The following BICC1 variants were observed in gnomAD, a reference collection of about 807,000 sequenced individuals.
The protein encoded by BICC1 is protein bicaudal C homolog 1.
Under a neutral mutation model 111.0 loss-of-function variants are expected in BICC1, and 43 were observed. The observed-to-expected ratio is 0.39, with a 90% CI of 0.30 to 0.50. The LOEUF (loss-of-function observed/expected upper bound fraction) is 0.50. Among genes scored for constraint, BICC1 ranks in the 20% least tolerant of loss-of-function variants. BICC1 has a pLI of 0.88. For missense variants in BICC1, 1,091 were observed against 1,203.2 expected (o/e 0.91, Z 1.38); for synonymous variants, 467 against 434.4 (o/e 1.07, Z -0.93).
chr10:58,784,609 G>C (rs1200448577), intron 3 of BICC1, among the ~76,000 whole-genome samples: 1 of 152,116 alleles, frequency 6.6e-6, no homozygotes, highest in Non-Finnish European at 1.5e-5. Flanking sequence ...CTGTGCTGTG[G>C]ATTAAGTGAA....
At chr10:58,521,576 A>G (rs1842387611) in intron 1 of BICC1, among the ~76,000 whole-genome samples, 1 of 152,044 alleles carries the variant, frequency 6.6e-6, no homozygotes, top group Admixed American at 6.6e-5. Flanking sequence ...CTGCAGGGTA[A>G]TCTGCTCCTT....
intron 1 of BICC1, 34 bp from the exon 2 acceptor site, chr10:58,620,821 A>G: frequency 1.2e-6 from 2 of 1,601,086 alleles, no homozygotes; most frequent in Non-Finnish European, 1.7e-6. Flanking sequence ...ATACATTGAA[A>G]AAGTATTTTA....
chr10:58,577,444 A>G (rs747669099), intron 1 of BICC1, among the ~76,000 whole-genome samples: 1 of 152,228 alleles, frequency 6.6e-6, no homozygotes, highest in Admixed American at 6.5e-5. Context: ...CTGGTACATT[A>G]GCCCCTGTAG....
chr10:58,582,549 T>C (rs1257323386), intron 1 of BICC1, among the ~76,000 whole-genome samples: 2 of 152,226 alleles, frequency 1.3e-5, no homozygotes, highest in Non-Finnish European at 2.9e-5. Flanking sequence ...CCACTTGTAT[T>C]TCCTATTGTT....
rs566985233 is a variant in BICC1, at chr10:58,517,439, T to TTAAAATGA, written c.190+4108_190+4115dup. Reference sequence around the variant, plus strand: ...TAATTCAGCAAACTTTAGTGGATTTTTAAAATGATTTGATGAACAGATAAT... The same window carrying TTAAAATGA: ...TAATTCAGCAAACTTTAGTGGATTTTTAAAATGATAAAATGATTTGATGAACAGATAAT... On this transcript the variant is annotated intron_variant, in intron 1 of 20. Coordinates refer to ENST00000373886, the MANE Select transcript of BICC1 (RefSeq NM_001080512.3). Among the ~76,000 whole-genome samples the TTAAAATGA allele has an allele frequency of 9.0e-3, 1,377 of 152,316 alleles. 14 individuals carry two copies. The highest frequency in any genetic ancestry group is 0.013 in the East Asian group (67 of 5,178).
At chr10:58,592,685 A>AG (rs980646698) in intron 1 of BICC1, among the ~76,000 whole-genome samples, 3 of 151,136 alleles carry the variant, frequency 2.0e-5, no homozygotes, top group African/African-American at 7.3e-5. Context: ...ACTGCACGCC[A>AG]GCCTGGGTGA....
At chr10:58,774,284 A>G (rs1167960548) in intron 3 of BICC1, among the ~76,000 whole-genome samples, 2 of 152,240 alleles carry the variant, frequency 1.3e-5, no homozygotes, top group Non-Finnish European at 2.9e-5. Context: ...GTAGAGAAGA[A>G]AGAAGGAACT....
intron 1 of BICC1, among the ~76,000 whole-genome samples, chr10:58,531,083 G>T (rs1242768536): frequency 6.6e-6 from 1 of 151,854 alleles, no homozygotes; most frequent in Admixed American, 6.6e-5. Context: ...CCAGTGACTG[G>T]TTTCTCCCTT....
intron 1 of BICC1, among the ~76,000 whole-genome samples, chr10:58,555,844 T>C (rs1027635110): frequency 1.3e-5 from 2 of 152,184 alleles, no homozygotes; most frequent in East Asian, 1.9e-4. Context: ...CACTGTGTTA[T>C]CACTAAAGAG....
intron 1 of BICC1, among the ~76,000 whole-genome samples, chr10:58,581,946 T>G (rs1844293745): frequency 6.6e-6 from 1 of 152,154 alleles, no homozygotes; most frequent in Non-Finnish European, 1.5e-5. Flanking sequence ...TTCAGGTTAT[T>G]TTGTCCTCTC....
intron 1 of BICC1, among the ~76,000 whole-genome samples, chr10:58,528,276 C>G (rs1056996872): frequency 6.6e-6 from 1 of 151,776 alleles, no homozygotes; most frequent in Non-Finnish European, 1.5e-5. Flanking sequence ...TCTGTCTTCA[C>G]CCTCAATCTA....
intron 1 of BICC1, among the ~76,000 whole-genome samples, chr10:58,589,247 G>A (rs890736579): frequency 1.3e-5 from 2 of 152,018 alleles, no homozygotes; most frequent in East Asian, 1.9e-4. Context: ...CAGCGCCTCC[G>A]GGGATCACCT....
At chr10:58,673,850 C>T (rs1295975120) in intron 2 of BICC1, among the ~76,000 whole-genome samples, 1 of 148,926 alleles carries the variant, frequency 6.7e-6, no homozygotes, top group Admixed American at 6.8e-5. Flanking sequence ...AGGCTGGTCT[C>T]GAACTCTTGA....
chr10:58,699,251 AG>A (rs1382833920), intron 2 of BICC1, among the ~76,000 whole-genome samples: 2 of 152,200 alleles, frequency 1.3e-5, no homozygotes, highest in Non-Finnish European at 2.9e-5. Context: ...CCTTAAACAC[AG>A]TGTTGATGTG....
Position 58,820,473 on chromosome 10 carries a change from A to G in BICC1, c.2794+5A>G. 1 of 1,586,500 alleles carries G rather than the reference A, an allele frequency of 6.3e-7. No individual in the cohort carries two copies. On this transcript the variant is annotated splice_donor_5th_base_variant and intron_variant, in intron 20 of 20. Coordinates refer to ENST00000373886, the MANE Select transcript of BICC1 (RefSeq NM_001080512.3). Reference sequence around the variant, plus strand: ...AAATGCTGCTTGCAATTTCAGGTGAATATAAATATTCAACTCATATGTTAA... The same window carrying G: ...AAATGCTGCTTGCAATTTCAGGTGAGTATAAATATTCAACTCATATGTTAA...
chr10:58,684,969 C>G lies in BICC1; in HGVS notation c.238-17105C>G, dbSNP rs190029645. 3.1e-4 allele frequency among the ~76,000 whole-genome samples: 47 copies of G among 152,248 alleles called. No individual in the cohort carries two copies. The East Asian group carries it at 8.7e-3, about 28-fold the overall frequency. On this transcript the variant is annotated intron_variant, in intron 2 of 20. Transcript: ENST00000373886. The stretch of plus-strand genomic sequence containing the variant: ...TCTTTTAATTGTGATGTTAGGGTGT[C>G]CATTTCAGATCTTTCCTGCTTTCTC...
intron 1 of BICC1, among the ~76,000 whole-genome samples, chr10:58,583,347 T>C (rs1844333097): frequency 6.6e-6 from 1 of 152,138 alleles, no homozygotes; most frequent in South Asian, 2.1e-4. Context: ...CAGTGTGCAG[T>C]CTTTTATCCC....
intron 1 of BICC1, among the ~76,000 whole-genome samples, chr10:58,602,695 G>T (rs1203891888): frequency 6.6e-6 from 1 of 152,192 alleles, no homozygotes; most frequent in Non-Finnish European, 1.5e-5. Flanking sequence ...GCAAATTGCT[G>T]AGTTTAAGAA....
chr10:58,551,438 C>T (rs1200443551), intron 1 of BICC1, among the ~76,000 whole-genome samples: 2 of 152,110 alleles, frequency 1.3e-5, no homozygotes, highest in African/African-American at 2.4e-5. Context: ...TGGAATAGCT[C>T]AAATGAGCTA....
Sources: allele counts gnomAD v4.1 joint callset (sites outside exome capture counted in the v4.1 genomes callset), GRCh38; gene constraint gnomAD v4.1.1; transcripts MANE v1.5; gene names NCBI Gene and HGNC (gene_info 2026-07-23, HGNC 2026-07-21).